The following MAN1A1 variants were observed in gnomAD, a reference collection of about 807,000 sequenced individuals.
The protein encoded by MAN1A1 is mannosidase alpha class 1A member 1, also known as mannosyl-oligosaccharide 1,2-alpha-mannosidase IA.
MAN1A1 carries 29 observed loss-of-function variants against 70.8 expected under a neutral mutation model. The observed-to-expected ratio is 0.41, with a 90% CI of 0.31 to 0.56. MAN1A1 has a LOEUF of 0.56. Ranked by LOEUF, MAN1A1 falls within the 20% of genes least tolerant of loss-of-function variation. MAN1A1 has a pLI of 0.29. For missense variants in MAN1A1, 747 were observed against 841.3 expected (o/e 0.89, Z 1.39); for synonymous variants, 349 against 330.1 (o/e 1.06, Z -0.62).
intron 2 of MAN1A1, chr6:119,327,391 G>GTTTTTTTT (rs1230223370): frequency 4.6e-5 from 3 of 64,942 alleles, no homozygotes; most frequent in Non-Finnish European, 6.9e-5. Flanking sequence ...TTTTTTTTTT[G>GTTTTTTTT]TTTTTTTTTT....
chr6:119,213,394 A>G (rs1774104396), intron 6 of MAN1A1, among the ~76,000 whole-genome samples: 1 of 152,244 alleles, frequency 6.6e-6, no homozygotes, highest in Admixed American at 6.5e-5. Context: ...GGCATCTAAA[A>G]TTTTAAAAAC....
chr6:119,317,209 C>T (rs1162503536), intron 2 of MAN1A1, among the ~76,000 whole-genome samples: 1 of 152,046 alleles, frequency 6.6e-6, no homozygotes, highest in Non-Finnish European at 1.5e-5. Flanking sequence ...GAATCGTACG[C>T]TTATTACAAC....
At chr6:119,319,960 A>G (rs1772963202) in intron 2 of MAN1A1, among the ~76,000 whole-genome samples, 1 of 151,824 alleles carries the variant, frequency 6.6e-6, no homozygotes, top group African/African-American at 2.4e-5. Context: ...AAAAGCCAGG[A>G]GAACTGCAGT....
chr6:119,317,329 A>T (rs1424326065), intron 2 of MAN1A1, among the ~76,000 whole-genome samples: 1 of 152,146 alleles, frequency 6.6e-6, no homozygotes, highest in Non-Finnish European at 1.5e-5. Flanking sequence ...AATGGCATGT[A>T]TTTACTACCA....
chr6:119,188,640 T>G, intron 10 of MAN1A1, 63 bp from the exon 11 acceptor site: 1 of 1,434,592 alleles, frequency 7.0e-7, no homozygotes, highest in South Asian at 1.3e-5. Flanking sequence ...AGTCAATAAC[T>G]TAAATGAAAC....
intron 5 of MAN1A1, among the ~76,000 whole-genome samples, chr6:119,267,924 G>C (rs935058980): frequency 1.3e-5 from 2 of 152,176 alleles, no homozygotes; most frequent in Non-Finnish European, 2.9e-5. Flanking sequence ...ATGGGTTCCT[G>C]ACTGCATATG....
chr6:119,349,773 C>A (rs893249986), upstream of MAN1A1: 16 of 984,726 alleles, frequency 1.6e-5, no homozygotes, highest in Non-Finnish European at 1.9e-5. Flanking sequence ...ATCTCACTGC[C>A]GGTCTTGGGG....
At chr6:119,322,421 T>C (rs967963171) in intron 2 of MAN1A1, among the ~76,000 whole-genome samples, 3 of 152,224 alleles carry the variant, frequency 2.0e-5, no homozygotes, top group Admixed American at 6.5e-5. Flanking sequence ...ATCTCCGTTC[T>C]ATTCGCAGAA....
chr6:119,326,939 T>TTGA (rs1353752984), intron 2 of MAN1A1, among the ~76,000 whole-genome samples: 1 of 152,180 alleles, frequency 6.6e-6, no homozygotes, highest in Non-Finnish European at 1.5e-5. Context: ...GTGACTGTGC[T>TTGA]TGACTTCACA....
intron 2 of MAN1A1, among the ~76,000 whole-genome samples, chr6:119,323,854 A>G (rs185394719): frequency 1.8e-4 from 28 of 152,370 alleles, no homozygotes; most frequent in African/African-American, 6.3e-4. Flanking sequence ...AAATTATTCA[A>G]TATACCTACG....
At chr6:119,277,397 C>G (rs1424563654) in intron 5 of MAN1A1, among the ~76,000 whole-genome samples, 1 of 152,148 alleles carries the variant, frequency 6.6e-6, no homozygotes, top group Non-Finnish European at 1.5e-5. Context: ...ACAAGAAAGT[C>G]TGGCAAATGA....
intron 2 of MAN1A1, among the ~76,000 whole-genome samples, chr6:119,339,489 A>G (rs1002622756): frequency 2.0e-5 from 3 of 152,250 alleles, no homozygotes; most frequent in Admixed American, 2.0e-4. Context: ...CAAAAAGTAT[A>G]TATAGTGTGG....
At position 119,260,976 on chromosome 6, in the gene MAN1A1, G is replaced by GCTTTTTTTTTTTT. The variant is rs1554209499; in HGVS notation, c.898-12623_898-12622insAAAAAAAAAAAAG. ...TATCTAAATGTCTTGTTTTTTTATT[G>GCTTTTTTTTTTTT]TTTTTTTTTTTTTTTTTTTTGAGAT... On this transcript the variant is annotated intron_variant, in intron 5 of 12. Coordinates refer to ENST00000368468, the MANE Select transcript of MAN1A1 (RefSeq NM_005907.4). 1.7e-3 allele frequency among the ~76,000 whole-genome samples: 204 copies of GCTTTTTTTTTTTT among 116,894 alleles called. 9 individuals are homozygous for GCTTTTTTTTTTTT. The highest frequency in any genetic ancestry group is 1.9e-3 in the African/African-American group (57 of 29,850). 76.7% of individuals were successfully genotyped at this position (116,894 alleles called of 152,430 possible).
At chr6:119,185,219 A>T (rs1334864321) in intron 11 of MAN1A1, among the ~76,000 whole-genome samples, 1 of 152,006 alleles carries the variant, frequency 6.6e-6, no homozygotes, top group African/African-American at 2.4e-5. Flanking sequence ...AGCAAAAGAA[A>T]TTATCAGTTA....
chr6:119,225,249 A>T (rs1215083977), intron 6 of MAN1A1, among the ~76,000 whole-genome samples: 3 of 152,138 alleles, frequency 2.0e-5, no homozygotes, highest in Non-Finnish European at 4.4e-5. Flanking sequence ...AGAAAAGTAT[A>T]ACTGGAGCCA....
At chr6:119,268,266 C>T (rs1775814368) in intron 5 of MAN1A1, among the ~76,000 whole-genome samples, 1 of 152,154 alleles carries the variant, frequency 6.6e-6, no homozygotes, top group South Asian at 2.1e-4. Context: ...TGATTCTTTT[C>T]CTTTATTTAC....
chr6:119,313,300 G>C (rs1348015175), intron 2 of MAN1A1, among the ~76,000 whole-genome samples: 1 of 152,062 alleles, frequency 6.6e-6, no homozygotes, highest in Non-Finnish European at 1.5e-5. Context: ...ACAGTCTTAG[G>C]AATGATCCTT....
intron 6 of MAN1A1, among the ~76,000 whole-genome samples, chr6:119,219,314 T>G (rs1774293764): frequency 1.3e-5 from 2 of 151,634 alleles, no homozygotes; most frequent in South Asian, 4.2e-4. Flanking sequence ...AGACTAAAGG[T>G]AAATTAGGGA....
chr6:119,261,248 G>T (rs2114353579), intron 5 of MAN1A1, among the ~76,000 whole-genome samples: 1 of 152,076 alleles, frequency 6.6e-6, no homozygotes, highest in African/African-American at 2.4e-5. Flanking sequence ...TAAAGTGCTG[G>T]GATTACAGGC....
Sources: gnomAD v4.1 joint callset for allele counts (sites outside exome capture counted in the v4.1 genomes callset) on GRCh38, gnomAD v4.1.1 for gene constraint, MANE v1.5 for transcripts, NCBI Gene and HGNC (gene_info 2026-07-23, HGNC 2026-07-21) for gene names.